The following PLCH1 variants were observed in gnomAD, a reference collection of about 807,000 sequenced individuals.
The protein encoded by PLCH1 is phospholipase C eta 1.
In PLCH1, 60 loss-of-function variants were observed where a neutral mutation model predicts 126.7. The ratio of observed to expected loss-of-function variants is 0.47; its 90% CI spans 0.38 to 0.59. The LOEUF is 0.59. PLCH1 is among the 20% of genes least tolerant of loss of function. The pLI is 0.00. For missense variants in PLCH1, 1,723 were observed against 2,040.0 expected, an observed-to-expected ratio of 0.84 and a Z score of 2.99; for synonymous variants, 719 against 734.9, an observed-to-expected ratio of 0.98 and a Z score of 0.35.
chr3:155,474,691 T>C (rs1713444293), intron 21 of PLCH1, among the ~76,000 whole-genome samples: 1 of 127,710 alleles, frequency 7.8e-6, no homozygotes. Flanking sequence ...TGTCCATCAA[T>C]GATAGACTGG....
At chr3:155,575,109 T>A (rs1370404873) in intron 6 of PLCH1, among the ~76,000 whole-genome samples, 1 of 151,508 alleles carries the variant, frequency 6.6e-6, no homozygotes, top group African/African-American at 2.4e-5. Context: ...CCAGCCTGTG[T>A]GACAGAGCAA....
Position 155,583,645 on chromosome 3 carries a change from G to A in PLCH1, c.601-3C>T. ...TGATTCTCATCTGTGTCGGCTTCCTGAAAAGGGCATAGAGAAAATAAAGTA... is the reference window on the plus strand; with the variant it reads ...TGATTCTCATCTGTGTCGGCTTCCTAAAAAGGGCATAGAGAAAATAAAGTA... On this transcript the variant is annotated splice_region_variant and splice_polypyrimidine_tract_variant and intron_variant, in intron 5 of 22. Coordinates refer to ENST00000460012, the MANE Select transcript of PLCH1 (RefSeq NM_014996.4). 1 of 1,557,336 alleles carries A rather than the reference G, an allele frequency of 6.4e-7. No individual in the cohort carries two copies. The highest frequency in any genetic ancestry group is 8.6e-7 in the Non-Finnish European group (1 of 1,161,396).
intron 2 of PLCH1, among the ~76,000 whole-genome samples, chr3:155,665,875 C>T (rs1464594355): frequency 6.6e-6 from 1 of 152,094 alleles, no homozygotes; most frequent in Non-Finnish European, 1.5e-5. Flanking sequence ...AACTTCTGAG[C>T]TCATTTTACC....
At chr3:155,740,493 A>G (rs1365349196) in intron 1 of PLCH1, among the ~76,000 whole-genome samples, 2 of 151,998 alleles carry the variant, frequency 1.3e-5, no homozygotes, top group Non-Finnish European at 2.9e-5. Flanking sequence ...GACATTGCTG[A>G]TGTTTGACCA....
chr3:155,529,267 T>C (rs55937409), intron 10 of PLCH1, among the ~76,000 whole-genome samples: 1,701 of 152,332 alleles, frequency 0.011, 19 homozygotes, highest in Middle Eastern at 0.044. Flanking sequence ...CTTCAAGATA[T>C]CTGGCTGCAC....
chr3:155,606,360 T>C (rs945037037), intron 2 of PLCH1, among the ~76,000 whole-genome samples: 2 of 152,226 alleles, frequency 1.3e-5, no homozygotes, highest in African/African-American at 2.4e-5. Context: ...GAACTGTAAA[T>C]GGACAGATCT....
At chr3:155,508,544 A>C (rs1282895806) in intron 12 of PLCH1, among the ~76,000 whole-genome samples, 16 of 138,614 alleles carry the variant, frequency 1.2e-4, no homozygotes, top group South Asian at 7.5e-4. Flanking sequence ...TACCTAATTT[A>C]TTGAGAGTTT....
intron 2 of PLCH1, among the ~76,000 whole-genome samples, chr3:155,662,207 C>G (rs1742242091): frequency 6.6e-6 from 1 of 152,170 alleles, no homozygotes; most frequent in Non-Finnish European, 1.5e-5. Context: ...TAATCCAACA[C>G]TTTGGGAGGC....
At chr3:155,468,871 A>G (rs981375608) in intron 21 of PLCH1, among the ~76,000 whole-genome samples, 2 of 152,188 alleles carry the variant, frequency 1.3e-5, no homozygotes, top group African/African-American at 2.4e-5. Flanking sequence ...TTCCAGATAG[A>G]AAATCAACAA....
At chr3:155,491,655 T>C (rs556192183) in intron 18 of PLCH1, among the ~76,000 whole-genome samples, 1 of 152,184 alleles carries the variant, frequency 6.6e-6, no homozygotes, top group Admixed American at 6.5e-5. Flanking sequence ...CATAAAAGAG[T>C]ACCTACTCTA....
At chr3:155,651,363 C>T (rs1740692467) in intron 2 of PLCH1, among the ~76,000 whole-genome samples, 1 of 151,818 alleles carries the variant, frequency 6.6e-6, no homozygotes, top group African/African-American at 2.4e-5. Flanking sequence ...AAAAACTATG[C>T]AGTTGTTTAA....
rs1189478425 is a variant in PLCH1 at position 155,554,171 on chromosome 3, T to C, written c.1095A>G (p.Gly365=). 6.2e-7 allele frequency: 1 copy of C among 1,613,684 alleles called. No individual in the cohort carries two copies. The highest frequency in any genetic ancestry group is 8.5e-7 in the Non-Finnish European group (1 of 1,179,694). The change falls in exon 9 of 23, where the codon GGA becomes GGG. Residue 365 remains glycine (G), a synonymous_variant. Transcript: ENST00000460012. ...TGTAACCATGATGTACTACTGGCTC[T>C]CCATCTGGGCCATCCCAACAGTCAA... ...VEVDCWDGPD[G]EPVVHHGYTL...
chr3:155,581,090 CAA>C (rs1363003396), intron 6 of PLCH1, among the ~76,000 whole-genome samples: 9 of 152,158 alleles, frequency 5.9e-5, no homozygotes, highest in Non-Finnish European at 7.4e-5. Flanking sequence ...ACACAATTGT[CAA>C]AGTCATCCAG....
chr3:155,486,108 A>G (rs1259398212), intron 21 of PLCH1: 1 of 1,310,820 alleles, frequency 7.6e-7, no homozygotes, highest in Non-Finnish European at 1.1e-6. Flanking sequence ...TTAAAAAGAA[A>G]TATGCCAGCC....
chr3:155,542,467 A>C lies in PLCH1; in HGVS notation c.1362+7320T>G, dbSNP rs1724473756. Reference sequence around the variant, plus strand: ...CCACCTCTGGGGGCAGGGCACAGACAAACAAAAAGACAGCAGTAACTTCTG... The same window carrying C: ...CCACCTCTGGGGGCAGGGCACAGACCAACAAAAAGACAGCAGTAACTTCTG... On this transcript the variant is annotated intron_variant, in intron 10 of 22. Transcript: ENST00000460012. Among the ~76,000 whole-genome samples, 7 of 152,294 alleles carry C rather than the reference A, an allele frequency of 4.6e-5. No individual in the cohort carries two copies. The South Asian group carries it at 1.4e-3, about 32-fold the overall frequency.
chr3:155,544,333 C>T (rs1264504352), intron 10 of PLCH1, among the ~76,000 whole-genome samples: 1 of 152,138 alleles, frequency 6.6e-6, no homozygotes, highest in Non-Finnish European at 1.5e-5. Flanking sequence ...ACAAGAAGAG[C>T]TAACTATCCT....
intron 1 of PLCH1, among the ~76,000 whole-genome samples, chr3:155,706,039 T>C (rs2109088148): frequency 6.6e-6 from 1 of 151,144 alleles, no homozygotes; most frequent in African/African-American, 2.4e-5. Flanking sequence ...CTGGGTATGG[T>C]GGCACGCACC....
intron 1 of PLCH1, among the ~76,000 whole-genome samples, chr3:155,711,589 A>C (rs893647198): frequency 3.3e-5 from 5 of 152,110 alleles, no homozygotes; most frequent in Non-Finnish European, 5.9e-5. Context: ...ACATCTGCTG[A>C]TTTTTCGCTC....
At chr3:155,656,393 C>A (rs1741374839) in intron 2 of PLCH1, among the ~76,000 whole-genome samples, 1 of 151,990 alleles carries the variant, frequency 6.6e-6, no homozygotes, top group Non-Finnish European at 1.5e-5. Context: ...TATATACAAC[C>A]CTCACTTATG....
Sources: gnomAD v4.1 joint callset for allele counts (sites outside exome capture counted in the v4.1 genomes callset) on GRCh38, gnomAD v4.1.1 for gene constraint, MANE v1.5 for transcripts, NCBI Gene and HGNC (gene_info 2026-07-23, HGNC 2026-07-21) for gene names.